The following PPP6R3 variants were observed in gnomAD, a reference collection of about 807,000 sequenced individuals.
The protein encoded by PPP6R3 is serine/threonine-protein phosphatase 6 regulatory subunit 3.
PPP6R3 carries 38 observed loss-of-function variants against 110.7 expected under a neutral mutation model. That is an observed-to-expected ratio of 0.34 (90% CI 0.26 to 0.45). The LOEUF is 0.45. Among genes scored for constraint, PPP6R3 ranks in the 20% least tolerant of loss-of-function variants. The probability of loss-of-function intolerance (pLI) is 1.00; values close to 1 mark genes in which losing one functional copy is unlikely to be tolerated. For synonymous variants in PPP6R3, 369 were observed against 373.5 expected, an observed-to-expected ratio of 0.99 and a Z score of 0.14; for missense variants, 870 against 1,062.4, an observed-to-expected ratio of 0.82 and a Z score of 2.52.
In PPP6R3 at chr11:68,477,741, A is replaced by AAATATATATATAT; in HGVS notation, c.-158+16915_-158+16916insATATATATATATA. Among the ~76,000 whole-genome samples, 223 of 57,876 alleles carry AAATATATATATAT rather than the reference A, an allele frequency of 3.9e-3. 1 individual carries two copies. Among genetic ancestry groups the AAATATATATATAT allele is most frequent in the Non-Finnish European group, 5.7e-3 (172 of 30,036 alleles). 38.0% of individuals were successfully genotyped at this position (57,876 alleles called of 152,430 possible). Reference sequence around the variant, plus strand: ...GACATTGTCTCTTAAAAAAAAAAAAAATATATATATATATATATATATATA... The same window carrying AAATATATATATAT: ...GACATTGTCTCTTAAAAAAAAAAAAAAATATATATATATATATATATATATATATATATATATA... On this transcript the variant is annotated intron_variant, in intron 1 of 23. Coordinates refer to ENST00000393800, the MANE Select transcript of PPP6R3 (RefSeq NM_001164161.2).
At chr11:68,577,552 G>A (rs1477297603) in intron 14 of PPP6R3, among the ~76,000 whole-genome samples, 2 of 152,138 alleles carry the variant, frequency 1.3e-5, no homozygotes. Flanking sequence ...TTAAACAATT[G>A]TTTTTATCTT....
intron 10 of PPP6R3, among the ~76,000 whole-genome samples, chr11:68,569,051 C>G (rs895044649): frequency 2.6e-5 from 4 of 152,168 alleles, no homozygotes; most frequent in Non-Finnish European, 4.4e-5. Flanking sequence ...TGAGCCACCA[C>G]GCCTGGCCTC....
At chr11:68,520,841 G>A (rs750739425) in intron 2 of PPP6R3, among the ~76,000 whole-genome samples, 6 of 152,038 alleles carry the variant, frequency 3.9e-5, no homozygotes, top group African/African-American at 7.3e-5. Context: ...GTGCGATCTC[G>A]GCTGACTGCA....
chr11:68,466,308 A>G (rs931240057), intron 1 of PPP6R3, among the ~76,000 whole-genome samples: 6 of 152,106 alleles, frequency 3.9e-5, no homozygotes, highest in African/African-American at 1.2e-4. Flanking sequence ...TATTTCAGGT[A>G]TTGAAAGATT....
chr11:68,591,290 G>A (rs2099594636), intron 17 of PPP6R3, among the ~76,000 whole-genome samples: 1 of 152,180 alleles, frequency 6.6e-6, no homozygotes, highest in Admixed American at 6.5e-5. Flanking sequence ...GCATCTCCAG[G>A]ACAGGGGAGG....
rs373964537 is a variant in PPP6R3 at position 68,466,350 on chromosome 11, G to A, written c.-158+5523G>A. 2.6e-5 allele frequency among the ~76,000 whole-genome samples: 4 copies of A among 152,066 alleles called. No homozygotes were observed. The South Asian group carries it at 8.3e-4, about 32-fold the overall frequency. Reference sequence around the variant, plus strand: ...TGACATTTGGATACCAGGTAGGTTGGCTACGTGGTAAAGAAGCAAGTAAAA... The same window carrying A: ...TGACATTTGGATACCAGGTAGGTTGACTACGTGGTAAAGAAGCAAGTAAAA... On this transcript the variant is annotated intron_variant, in intron 1 of 23. Transcript: ENST00000393800.
intron 2 of PPP6R3, among the ~76,000 whole-genome samples, chr11:68,525,731 T>C (rs989217387): frequency 2.0e-5 from 3 of 152,250 alleles, no homozygotes; most frequent in Non-Finnish European, 1.5e-5. Context: ...ATCTGAAGAC[T>C]GCTTCTTTTT....
chr11:68,523,287 C>G (rs2099173410), intron 2 of PPP6R3, among the ~76,000 whole-genome samples: 1 of 152,188 alleles, frequency 6.6e-6, no homozygotes, highest in Non-Finnish European at 1.5e-5. Context: ...ACTGGTTGCA[C>G]TTGACCTTCT....
rs117499104 is a variant in PPP6R3 at position 68,595,696 on chromosome 11, A to G, written c.1917-401A>G. Among the ~76,000 whole-genome samples the G allele has an allele frequency of 1.7e-4, 26 of 152,366 alleles. No homozygotes were observed. The East Asian group carries it at 4.2e-3, about 25-fold the overall frequency. On this transcript the variant is annotated intron_variant, in intron 18 of 23. Coordinates refer to ENST00000393800, the MANE Select transcript of PPP6R3 (RefSeq NM_001164161.2). ...AATCTCTTTACTCAAGAAAAAGACAATTCAGTTTTTAAAAAGCACAAAAGT... is the reference window on the plus strand; with the variant it reads ...AATCTCTTTACTCAAGAAAAAGACAGTTCAGTTTTTAAAAAGCACAAAAGT...
Position 68,604,845 on chromosome 11 carries a change from G to A in PPP6R3, c.2450+1353G>A, listed in dbSNP as rs116027851. Reference sequence around the variant, plus strand: ...GAATATAAATACCAAGATTTGCCATGTTTATCAATGTGAAGATATTTTTAG... The same window carrying A: ...GAATATAAATACCAAGATTTGCCATATTTATCAATGTGAAGATATTTTTAG... On this transcript the variant is annotated intron_variant, in intron 22 of 23. Transcript: ENST00000393800. 3.8e-3 allele frequency among the ~76,000 whole-genome samples: 578 copies of A among 152,228 alleles called. 2 individuals carry two copies. Among genetic ancestry groups the A allele is most frequent in the African/African-American group, 0.013 (554 of 41,534 alleles).
intron 15 of PPP6R3, among the ~76,000 whole-genome samples, chr11:68,583,669 A>G (rs2099569574): frequency 6.6e-6 from 1 of 152,208 alleles, no homozygotes; most frequent in African/African-American, 2.4e-5. Context: ...TTGTGGGGGA[A>G]AGCCTCGATA....
intron 1 of PPP6R3, among the ~76,000 whole-genome samples, chr11:68,475,606 C>T (rs1303237762): frequency 3.0e-4 from 45 of 150,936 alleles, no homozygotes; most frequent in African/African-American, 1.1e-3. Context: ...CACCTCCCTC[C>T]CGGACGGGGC....
Position 68,564,364 on chromosome 11 carries a change from A to G in PPP6R3, c.907A>G (p.Lys303Glu), listed in dbSNP as rs758881883. Residue 303 changes from lysine (K) to glutamate (E), a missense_variant, in exon 9 of 24, where the codon AAG becomes GAG. Coordinates refer to ENST00000393800, the MANE Select transcript of PPP6R3 (RefSeq NM_001164161.2). ...GAGCCATTCAGCTTGTTCAGTAAAC[A>G]AGAGTGTTCTAGAAGCCATCAGAGG... ...GMSHSACSVN[K>E]SVLEAIRGRL... The G allele has an allele frequency of 5.0e-6, 8 of 1,613,420 alleles. No homozygotes were observed. In the East Asian group the frequency reaches 6.7e-5, roughly 13 times the overall value.
chr11:68,567,043 G>A lies in PPP6R3; in HGVS notation c.1005G>A (p.Val335=), dbSNP rs1226718029. ...KKSVMKTTWG[V]LDPPVGNTRL... ...GTGTGATGAAGACCACATGGGGTGT[G>A]CTGGATCCTCCTGTGGGGAATACCC... The change falls in exon 10 of 24, where the codon GTG becomes GTA. Residue 335 remains valine, a synonymous_variant. Transcript: ENST00000393800. The A allele has an allele frequency of 1.3e-6, 2 of 1,551,348 alleles. No individual in the cohort carries two copies. Among genetic ancestry groups the A allele is most frequent in the Non-Finnish European group, 1.7e-6 (2 of 1,146,848 alleles).
intron 2 of PPP6R3, among the ~76,000 whole-genome samples, chr11:68,531,312 TTTA>T (rs2099238457): frequency 7.4e-6 from 1 of 135,742 alleles, no homozygotes; most frequent in African/African-American, 2.9e-5. Flanking sequence ...CTGTGTTTTA[TTTA>T]TTTATTTATT....
chr11:68,615,262 C>G lies in PPP6R3; in HGVS notation c.*2145C>G, dbSNP rs1319949873. On this transcript the variant is annotated 3_prime_UTR_variant, in exon 24 of 24. Coordinates refer to ENST00000393800, the MANE Select transcript of PPP6R3 (RefSeq NM_001164161.2). ...GTGTTGGCCATACTGAATTATGAGA[C>G]TAACAGATGTCTACAATACAATACC... 3 of 364,036 alleles carry G rather than the reference C, an allele frequency of 8.2e-6. No homozygotes were observed. The highest frequency in any genetic ancestry group is 1.6e-5 in the Non-Finnish European group (3 of 184,674). The allele number at this position is 364,036 out of a possible 1,614,324, so 22.6% of individuals were successfully genotyped here.
intron 23 of PPP6R3, 112 bp downstream of exon 23, chr11:68,610,135 G>T: frequency 1.4e-6 from 2 of 1,410,846 alleles, no homozygotes; most frequent in Non-Finnish European, 1.9e-6. Flanking sequence ...TCAAGTCTTA[G>T]GCCGCTGACC....
chr11:68,501,274 A>G (rs2099047528), intron 1 of PPP6R3, among the ~76,000 whole-genome samples: 1 of 152,204 alleles, frequency 6.6e-6, no homozygotes, highest in Non-Finnish European at 1.5e-5. Flanking sequence ...CATGATGAAA[A>G]GTTAGAAGAA....
intron 14 of PPP6R3, among the ~76,000 whole-genome samples, chr11:68,578,460 A>G (rs1483082776): frequency 6.6e-6 from 1 of 152,144 alleles, no homozygotes; most frequent in Admixed American, 6.6e-5. Flanking sequence ...GATTAGATAC[A>G]CTGCCTTGAC....
Sources: gnomAD v4.1 joint callset for allele counts (sites outside exome capture counted in the v4.1 genomes callset) on GRCh38, gnomAD v4.1.1 for gene constraint, MANE v1.5 for transcripts, NCBI Gene and HGNC (gene_info 2026-07-23, HGNC 2026-07-21) for gene names.